Variants in TNFRSF10C observed in about 807,000 individuals in gnomAD.
TNFRSF10C encodes tumor necrosis factor receptor superfamily member 10C.
TNFRSF10C carries 17 observed loss-of-function variants against 16.7 expected under a neutral mutation model. The observed-to-expected ratio is 1.02, with a 90% CI of 0.70 to 1.53. The LOEUF (loss-of-function observed/expected upper bound fraction) is 1.53. Ranked by LOEUF, TNFRSF10C falls within the 40% of genes most tolerant of loss-of-function variation. The pLI is 0.00. For synonymous variants in TNFRSF10C, 73 were observed against 119.7 expected, an observed-to-expected ratio of 0.61 and a Z score of 2.55; for missense variants, 237 against 329.7, an observed-to-expected ratio of 0.72 and a Z score of 2.18.
intron 1 of TNFRSF10C, among the ~76,000 whole-genome samples, chr8:23,107,521 A>T (rs1011335271): frequency 1.3e-5 from 2 of 152,346 alleles, no homozygotes; most frequent in African/African-American, 4.8e-5. Context: ...ATCCATTTTT[A>T]AAAAACCTTC....
intron 2 of TNFRSF10C, among the ~76,000 whole-genome samples, chr8:23,112,932 C>A (rs546447341): frequency 2.7e-5 from 4 of 147,798 alleles, no homozygotes; most frequent in African/African-American, 1.0e-4. Flanking sequence ...TCCATTCCCA[C>A]CAACAGTGTA....
At chr8:23,108,197 G>A (rs28622898) in intron 1 of TNFRSF10C, among the ~76,000 whole-genome samples, 16,727 of 151,940 alleles carry the variant, frequency 0.11, 1,184 homozygotes, top group East Asian at 0.33. Context: ...GGAAGGAACA[G>A]AAAGAAAAGA....
intron 1 of TNFRSF10C, among the ~76,000 whole-genome samples, chr8:23,104,393 G>A (rs189736914): frequency 4.7e-3 from 712 of 151,828 alleles, no homozygotes; most frequent in African/African-American, 0.015. Flanking sequence ...GTATTTTACT[G>A]CATGGGTAAG....
At chr8:23,114,575 C>T in intron 2 of TNFRSF10C, 82 bp from the exon 3 acceptor site, 1 of 1,142,642 alleles carries the variant, frequency 8.8e-7, no homozygotes, top group Admixed American at 1.8e-5. Flanking sequence ...CCAGTGAGGG[C>T]CAAAAAAGAA....
At chr8:23,111,652 G>A (rs779242239) in intron 1 of TNFRSF10C, 68 bp from the exon 2 acceptor site, 1 of 1,245,916 alleles carries the variant, frequency 8.0e-7, no homozygotes, top group Non-Finnish European at 1.2e-6. Context: ...TGAAGGGAAT[G>A]TGAGATGGAG....
chr8:23,105,707 G>C (rs570707458), intron 1 of TNFRSF10C, among the ~76,000 whole-genome samples: 1 of 152,350 alleles, frequency 6.6e-6, no homozygotes, highest in Admixed American at 6.5e-5. Context: ...GTATCCAGGA[G>C]TGGCAGGGCA....
At chr8:23,114,576 C>CA in intron 2 of TNFRSF10C, 81 bp from the exon 3 acceptor site, 1 of 1,182,144 alleles carries the variant, frequency 8.5e-7, no homozygotes, top group Non-Finnish European at 1.3e-6. Flanking sequence ...CAGTGAGGGC[C>CA]AAAAAAGAAG....
chr8:23,103,012 T>A lies in TNFRSF10C; in HGVS notation c.-110T>A, dbSNP rs1258458219. On this transcript the variant is annotated 5_prime_UTR_variant, in exon 1 of 5. Transcript: ENST00000356864. ...GGAGTTTGACCAGAGATGCAAGGGG[T>A]GAAGGAGCGCTTCCTACCGTTAGGG... 8.4e-6 allele frequency: 13 copies of A among 1,551,064 alleles called. No homozygotes were observed. The highest frequency in any genetic ancestry group is 1.1e-5 in the Non-Finnish European group (13 of 1,146,488).
chr8:23,106,435 T>C (rs1419573925), intron 1 of TNFRSF10C, among the ~76,000 whole-genome samples: 1 of 151,684 alleles, frequency 6.6e-6, no homozygotes, highest in East Asian at 1.9e-4. Flanking sequence ...CCGATTTTTT[T>C]TTTTTTTTTT....
At chr8:23,115,429 T>C in intron 3 of TNFRSF10C, 79 bp from the exon 4 acceptor site, 1 of 1,209,448 alleles carries the variant, frequency 8.3e-7, no homozygotes, top group Non-Finnish European at 1.2e-6. Context: ...TTGAGCTGAG[T>C]GGGAGGGGGT....
chr8:23,114,129 G>C (rs1162737671), intron 2 of TNFRSF10C, among the ~76,000 whole-genome samples: 1 of 152,142 alleles, frequency 6.6e-6, no homozygotes, highest in Non-Finnish European at 1.5e-5. Context: ...GCCAGGAAGA[G>C]TGCTCTTGAG....
intron 2 of TNFRSF10C, among the ~76,000 whole-genome samples, chr8:23,114,066 G>A (rs2128831430): frequency 6.6e-6 from 1 of 152,296 alleles, no homozygotes; most frequent in Non-Finnish European, 1.5e-5. Flanking sequence ...GGCCTCTCGG[G>A]GATGGTGATT....
chr8:23,103,190 CG>C lies in TNFRSF10C; in HGVS notation c.60+11del, dbSNP rs1563341005. On this transcript the variant is annotated intron_variant, in intron 1 of 4. Coordinates refer to ENST00000356864, the MANE Select transcript of TNFRSF10C (RefSeq NM_003841.5). ...TCGCGGTCCTGCTGCCAGTGAGTCC[CG>C]GCCGCGGTCCCTGGCTGGGGAAGAG... is the stretch of plus-strand genomic sequence containing the variant. 6.2e-7 allele frequency: 1 copy of C among 1,609,100 alleles called. No homozygotes were observed.
chr8:23,107,364 T>G (rs1336278476), intron 1 of TNFRSF10C, among the ~76,000 whole-genome samples: 1 of 152,200 alleles, frequency 6.6e-6, no homozygotes, highest in Admixed American at 6.5e-5. Context: ...GAGGATTACA[T>G]TGAAGAATGA....
chr8:23,105,773 C>T (rs1015697930), intron 1 of TNFRSF10C, among the ~76,000 whole-genome samples: 7 of 152,148 alleles, frequency 4.6e-5, no homozygotes, highest in East Asian at 1.9e-4. Flanking sequence ...TGCCATGCCC[C>T]GAGCCTCTGC....
At chr8:23,109,855 C>G (rs565318014) in intron 1 of TNFRSF10C, among the ~76,000 whole-genome samples, 1 of 151,934 alleles carries the variant, frequency 6.6e-6, no homozygotes, top group African/African-American at 2.4e-5. Context: ...CACTTGAGCT[C>G]AGGAGTTAAA....
intron 2 of TNFRSF10C, among the ~76,000 whole-genome samples, chr8:23,113,280 A>G (rs188158526): frequency 1.6e-4 from 25 of 152,040 alleles, no homozygotes; most frequent in Non-Finnish European, 1.3e-4. Flanking sequence ...TTCCTTTGTC[A>G]TGCAGAACCT....
chr8:23,114,770 G>C lies in TNFRSF10C; in HGVS notation c.280G>C (p.Asp94His). The C allele has an allele frequency of 3.1e-6, 5 of 1,612,726 alleles. No individual in the cohort carries two copies. The highest frequency in any genetic ancestry group is 4.2e-6 in the Non-Finnish European group (5 of 1,178,764). ...CTTCCCATGTACAGTTTGTAAATCA[G>C]GTACAGAATGTGTGGACCTCTTGTC... ...SCFPCTVCKS[D>H]QKHKSSCTMT... Residue 94 changes from aspartate (D) to histidine (H), a missense_variant and splice_region_variant, in exon 3 of 5, where the codon GAT (aspartate) becomes CAT (histidine). Asp to His is a moderately conservative substitution (Grantham distance 81). This residue lies in a region of TNFRSF10C where 212 missense variants were observed against 196.8 expected (regional missense o/e 1.08). Coordinates refer to ENST00000356864, the MANE Select transcript of TNFRSF10C (RefSeq NM_003841.5).
rs117325737 is a variant in TNFRSF10C at position 23,117,402 on chromosome 8, G to A, written c.*371G>A. On this transcript the variant is annotated 3_prime_UTR_variant, in exon 5 of 5. Transcript: ENST00000356864. The stretch of plus-strand genomic sequence containing the variant: ...GGTGACAAGGGTGAGGATGAGAAGT[G>A]GTCACGGGATTTATTCAGCCTTGGT... 7,907 of 344,654 alleles carry A rather than the reference G, an allele frequency of 0.023. 141 individuals carry two copies. Among genetic ancestry groups the A allele is most frequent in the Non-Finnish European group, 0.03 (5,578 of 187,504 alleles). 21.3% of individuals were successfully genotyped at this position (344,654 alleles called of 1,614,324 possible). A position where few individuals can be genotyped will look rare whatever the true frequency, so the allele number is the denominator to read the frequency against.
Sources: allele counts gnomAD v4.1 joint callset (sites outside exome capture counted in the v4.1 genomes callset), GRCh38; gene constraint gnomAD v4.1.1; regional missense constraint gnomAD v4.1.1; transcripts MANE v1.5; gene names NCBI Gene and HGNC (gene_info 2026-07-23, HGNC 2026-07-21).